ATXN8OS: variants seen among roughly 807,000 people sequenced by gnomAD.
ATXN8OS encodes the protein ATXN8 opposite strand (non-protein coding).
exon 5 of ATXN8OS, among the ~76,000 whole-genome samples, chr13:70,171,404 A>G (rs1036237466): frequency 5.9e-5 from 9 of 152,162 alleles, no homozygotes; most frequent in Non-Finnish European, 1.2e-4. Flanking sequence ...AGGACTGGAA[A>G]TTGCTCTGGG....
At chr13:70,157,923 A>C (rs1170408369) in intron 4 of ATXN8OS, among the ~76,000 whole-genome samples, 1 of 152,206 alleles carries the variant, frequency 6.6e-6, no homozygotes, top group Admixed American at 6.5e-5. Flanking sequence ...TAAAATTTCC[A>C]ATTAGTACAT....
intron 2 of ATXN8OS, among the ~76,000 whole-genome samples, chr13:70,129,112 G>A (rs557792995): frequency 7.2e-5 from 11 of 151,942 alleles, no homozygotes; most frequent in Non-Finnish European, 1.5e-4. Context: ...CACCTGCCTC[G>A]GCCTCCCAAA....
chr13:70,146,671 AC>A (rs1293342971), intron 3 of ATXN8OS, among the ~76,000 whole-genome samples: 1 of 151,614 alleles, frequency 6.6e-6, no homozygotes, highest in African/African-American at 2.4e-5. Context: ...AGGACAAAAA[AC>A]CAAACACTGC....
chr13:70,119,106 A>C (rs1888323324), intron 2 of ATXN8OS, among the ~76,000 whole-genome samples: 1 of 152,112 alleles, frequency 6.6e-6, no homozygotes, highest in Non-Finnish European at 1.5e-5. Flanking sequence ...AGACACACAC[A>C]AAAGAAGGAT....
At chr13:70,124,878 A>T (rs1888407259) in intron 2 of ATXN8OS, among the ~76,000 whole-genome samples, 2 of 149,892 alleles carry the variant, frequency 1.3e-5, no homozygotes, top group East Asian at 3.9e-4. Context: ...AGGATTTTTA[A>T]TTTCTTCTTT....
chr13:70,165,765 C>A (rs1889069317), intron 4 of ATXN8OS, among the ~76,000 whole-genome samples: 1 of 151,818 alleles, frequency 6.6e-6, no homozygotes, highest in African/African-American at 2.4e-5. Context: ...AAACTTCATT[C>A]AACTTGGAAG....
chr13:70,121,399 A>C (rs548562770), intron 2 of ATXN8OS, among the ~76,000 whole-genome samples: 5 of 152,084 alleles, frequency 3.3e-5, no homozygotes, highest in Non-Finnish European at 7.4e-5. Context: ...TTCTATCTCC[A>C]ATAGAAACTG....
chr13:70,167,375 C>T (rs1889087562), intron 4 of ATXN8OS, among the ~76,000 whole-genome samples: 1 of 151,942 alleles, frequency 6.6e-6, no homozygotes, highest in Non-Finnish European at 1.5e-5. Flanking sequence ...ATGGATGAAA[C>T]TGGAAACCAT....
intron 3 of ATXN8OS, among the ~76,000 whole-genome samples, chr13:70,141,778 T>C (rs921749243): frequency 6.6e-6 from 1 of 152,020 alleles, no homozygotes; most frequent in Non-Finnish European, 1.5e-5. Context: ...ATACTGGTTA[T>C]TAAATATTAC....
intron 4 of ATXN8OS, among the ~76,000 whole-genome samples, chr13:70,162,499 C>A (rs952029576): frequency 1.3e-5 from 2 of 152,098 alleles, no homozygotes; most frequent in African/African-American, 4.8e-5. Flanking sequence ...CAAGCAGAAG[C>A]CAGAGAAGCA....
At chr13:70,142,098 G>C (rs928614328) in intron 3 of ATXN8OS, among the ~76,000 whole-genome samples, 3 of 152,052 alleles carry the variant, frequency 2.0e-5, no homozygotes, top group African/African-American at 7.2e-5. Context: ...TGACCAGGCT[G>C]GTCTCAAACT....
chr13:70,148,324 T>C (rs949331962), intron 4 of ATXN8OS, among the ~76,000 whole-genome samples: 1 of 152,196 alleles, frequency 6.6e-6, no homozygotes, highest in African/African-American at 2.4e-5. Context: ...TTTGATTTCC[T>C]TTAGGGCCTG....
At chr13:70,136,646 C>T (rs571126010) in intron 3 of ATXN8OS, among the ~76,000 whole-genome samples, 32 of 152,164 alleles carry the variant, frequency 2.1e-4, no homozygotes, top group Admixed American at 5.2e-4. Flanking sequence ...AGACCTCCCA[C>T]CTCTAGACTC....
intron 4 of ATXN8OS, among the ~76,000 whole-genome samples, chr13:70,148,350 C>T (rs9542188): frequency 0.76 from 114,480 of 151,530 alleles, 43,353 homozygotes; most frequent in South Asian, 0.84. Flanking sequence ...CATCAAGAGT[C>T]GGGTTGGACT....
exon 2 of ATXN8OS, chr13:70,115,275 G>A (rs562815747): frequency 2.0e-5 from 8 of 398,392 alleles, no homozygotes; most frequent in Non-Finnish European, 3.5e-5. Context: ...TGGCAGAAGA[G>A]CAGAGGAGAC....
intron 4 of ATXN8OS, among the ~76,000 whole-genome samples, chr13:70,169,187 A>G (rs888254403): frequency 1.3e-5 from 2 of 152,192 alleles, no homozygotes; most frequent in Non-Finnish European, 2.9e-5. Flanking sequence ...GTTTTTGTAC[A>G]TTAAAAATGT....
chr13:70,144,877 G>T (rs1353284363), intron 3 of ATXN8OS, among the ~76,000 whole-genome samples: 1 of 152,082 alleles, frequency 6.6e-6, no homozygotes, highest in Non-Finnish European at 1.5e-5. Flanking sequence ...CAAGGGTATA[G>T]TATTGCCTTG....
chr13:70,108,278 C>A (rs1018230575), intron 1 of ATXN8OS: 7 of 371,568 alleles, frequency 1.9e-5, no homozygotes, highest in Non-Finnish European at 3.3e-5. Context: ...CTGGCCTTTT[C>A]GAGGATGCCC....
At chr13:70,155,479 G>A (rs1279926778) in intron 4 of ATXN8OS, among the ~76,000 whole-genome samples, 1 of 152,124 alleles carries the variant, frequency 6.6e-6, no homozygotes, top group Admixed American at 6.5e-5. Flanking sequence ...CTCCTGGCCA[G>A]AATCAACTAG....
Sources: gnomAD v4.1 joint callset for allele counts (sites outside exome capture counted in the v4.1 genomes callset) on GRCh38, gnomAD v4.1.1 for gene constraint, MANE v1.5 for transcripts, NCBI Gene and HGNC (gene_info 2026-07-23, HGNC 2026-07-21) for gene names.